HEMK2: variants seen among roughly 807,000 people sequenced by gnomAD.
The protein encoded by HEMK2 is methyltransferase HEMK2.
At chr21:28,826,677 T>C in the HEMK2 span, among the ~76,000 whole-genome samples, 19 of 152,134 alleles carry the variant, frequency 1.2e-4, no homozygotes, top group South Asian at 4.1e-4. Context: ...GGAAAGTACC[T>C]AAACCATCAC....
the HEMK2 span, among the ~76,000 whole-genome samples, chr21:28,798,532 T>C: frequency 6.6e-6 from 1 of 152,120 alleles, no homozygotes; most frequent in Non-Finnish European, 1.5e-5. Flanking sequence ...AATTGTTCTA[T>C]TTATCACCCA....
At chr21:28,762,194 C>T in the HEMK2 span, among the ~76,000 whole-genome samples, 60 of 152,202 alleles carry the variant, frequency 3.9e-4, no homozygotes, top group African/African-American at 1.4e-3. Context: ...CTGTCTCTAG[C>T]ACATTATGTT....
chr21:28,821,397 G>A, the HEMK2 span, among the ~76,000 whole-genome samples: 11 of 152,136 alleles, frequency 7.2e-5, no homozygotes, highest in Non-Finnish European at 1.6e-4. Flanking sequence ...GCAAAACTGG[G>A]TAATTTGCTG....
At chr21:28,765,300 A>G in the HEMK2 span, among the ~76,000 whole-genome samples, 49,592 of 151,960 alleles carry the variant, frequency 0.33, 8,200 homozygotes, top group Middle Eastern at 0.44. Flanking sequence ...TTATGGTTTC[A>G]GCCTCATGAA....
chr21:28,766,578 T>C, the HEMK2 span, among the ~76,000 whole-genome samples: 1 of 151,978 alleles, frequency 6.6e-6, no homozygotes, highest in Non-Finnish European at 1.5e-5. Context: ...GCACAGTTCA[T>C]AGCTGCAAAG....
chr21:28,856,748 C>A, the HEMK2 span, among the ~76,000 whole-genome samples: 1 of 152,186 alleles, frequency 6.6e-6, no homozygotes, highest in African/African-American at 2.4e-5. Context: ...TGCAACCCTG[C>A]CAAGGAAAGT....
At chr21:28,670,666 T>C in the HEMK2 span, among the ~76,000 whole-genome samples, 1 of 152,184 alleles carries the variant, frequency 6.6e-6, no homozygotes, top group South Asian at 2.1e-4. Flanking sequence ...ACAAAGAACT[T>C]CCCTGAGACT....
At chr21:28,798,835 C>G in the HEMK2 span, among the ~76,000 whole-genome samples, 2 of 152,194 alleles carry the variant, frequency 1.3e-5, no homozygotes, top group African/African-American at 2.4e-5. Flanking sequence ...CTCATTGCCA[C>G]TACTCTTAAA....
chr21:28,807,694 T>C, the HEMK2 span, among the ~76,000 whole-genome samples: 2 of 152,114 alleles, frequency 1.3e-5, no homozygotes, highest in Admixed American at 6.6e-5. Context: ...GCCATCAGCC[T>C]CCAAATTTTT....
At chr21:28,835,485 C>T in the HEMK2 span, among the ~76,000 whole-genome samples, 3 of 152,268 alleles carry the variant, frequency 2.0e-5, no homozygotes, top group Non-Finnish European at 4.4e-5. Context: ...AGAACCTGAA[C>T]AATAGCCTTC....
chr21:28,768,253 C>T, the HEMK2 span, among the ~76,000 whole-genome samples: 63,920 of 151,784 alleles, frequency 0.42, 14,448 homozygotes, highest in African/African-American at 0.57. Flanking sequence ...AAAGGCCATC[C>T]TCTACCTAAC....
chr21:28,831,630 GGAAGGAAAGAAAGAAA>G, the HEMK2 span, among the ~76,000 whole-genome samples: 7 of 52,904 alleles, frequency 1.3e-4, no homozygotes, highest in East Asian at 1.4e-3. Flanking sequence ...AAGGAAAGAA[GGAAGGAAAGAAAGAAA>G]GAAAGAAAGA....
the HEMK2 span, among the ~76,000 whole-genome samples, chr21:28,814,981 A>G: frequency 1.2e-4 from 19 of 152,322 alleles, no homozygotes; most frequent in Admixed American, 1.2e-3. Flanking sequence ...GAACCAACCC[A>G]AATGTCCAAC....
At chr21:28,762,199 T>C in the HEMK2 span, among the ~76,000 whole-genome samples, 2 of 152,074 alleles carry the variant, frequency 1.3e-5, no homozygotes, top group African/African-American at 2.4e-5. Context: ...TCTAGCACAT[T>C]ATGTTTCACA....
chr21:28,862,914 A>G, the HEMK2 span, among the ~76,000 whole-genome samples: 1 of 152,082 alleles, frequency 6.6e-6, no homozygotes, highest in Non-Finnish European at 1.5e-5. Flanking sequence ...TGTACGAAGG[A>G]TAGTTGAATT....
chr21:28,848,165 T>C, the HEMK2 span, among the ~76,000 whole-genome samples: 1 of 152,208 alleles, frequency 6.6e-6, no homozygotes, highest in Non-Finnish European at 1.5e-5. Context: ...GAAAATGTCA[T>C]TGACAGTTTG....
chr21:28,758,583 G>A, the HEMK2 span, among the ~76,000 whole-genome samples: 340 of 152,256 alleles, frequency 2.2e-3, 2 homozygotes, highest in African/African-American at 7.7e-3. Context: ...AAGTTAGGAA[G>A]GGCAACGAGC....
the HEMK2 span, among the ~76,000 whole-genome samples, chr21:28,664,130 A>C: frequency 6.6e-6 from 1 of 152,196 alleles, no homozygotes; most frequent in Non-Finnish European, 1.5e-5. Flanking sequence ...CATTTGTCAA[A>C]TCTTTTAGTA....
chr21:28,813,904 T>C, the HEMK2 span, among the ~76,000 whole-genome samples: 1 of 152,126 alleles, frequency 6.6e-6, no homozygotes, highest in Non-Finnish European at 1.5e-5. Flanking sequence ...ACCCCTTCCT[T>C]ACACCTTAAA....
Sources: gnomAD v4.1 joint callset for allele counts (sites outside exome capture counted in the v4.1 genomes callset) on GRCh38, gnomAD v4.1.1 for gene constraint, MANE v1.5 for transcripts, NCBI Gene and HGNC (gene_info 2026-07-23, HGNC 2026-07-21) for gene names.